Variants in SLC6A4 observed in about 807,000 individuals in gnomAD.
SLC6A4 encodes solute carrier family 6 member 4, also known as sodium-dependent serotonin transporter.
A neutral mutation model predicts 73.4 loss-of-function variants in SLC6A4; 22 were observed. That is an observed-to-expected ratio of 0.30 (90% confidence interval 0.21 to 0.43). The LOEUF (loss-of-function observed/expected upper bound fraction) is 0.43. Among genes scored for constraint, SLC6A4 ranks in the 20% least tolerant of loss-of-function variants. The pLI, the probability that SLC6A4 is intolerant of heterozygous loss-of-function variation, is 1.00. For missense variants in SLC6A4, 593 were observed against 808.5 expected (o/e 0.73, Z 3.23); for synonymous variants, 270 against 315.5 (o/e 0.86, Z 1.53).
rs1262522122 is a variant in SLC6A4 at position 30,226,900 on chromosome 17, G to GA, written c.-220-3986dup. On this transcript the variant is annotated intron_variant, in intron 1 of 14. Coordinates refer to ENST00000650711, the MANE Select transcript of SLC6A4 (RefSeq NM_001045.6). ...AAAAAAAAGAAAAAGAAAGAAAAAAGAAACAAGGCAGGCACAGTCCTGCCT... is the reference window on the plus strand; with the variant it reads ...AAAAAAAAGAAAAAGAAAGAAAAAAGAAAACAAGGCAGGCACAGTCCTGCCT... Among the ~76,000 whole-genome samples, 465 of 143,240 alleles carry GA rather than the reference G, an allele frequency of 3.2e-3. 3 individuals carry two copies. Among genetic ancestry groups the GA allele is most frequent in the African/African-American group, 0.012 (440 of 36,794 alleles). The allele number at this position is 143,240 out of a possible 152,430, so 94.0% of individuals were successfully genotyped here.
At chr17:30,226,715 A>G (rs1906935164) in intron 1 of SLC6A4, among the ~76,000 whole-genome samples, 1 of 151,608 alleles carries the variant, frequency 6.6e-6, no homozygotes, top group African/African-American at 2.4e-5. Flanking sequence ...AAATAAATAA[A>G]AATAAAAATA....
intron 12 of SLC6A4, among the ~76,000 whole-genome samples, chr17:30,208,753 G>A (rs1030147399): frequency 1.2e-4 from 19 of 152,222 alleles, no homozygotes; most frequent in South Asian, 4.1e-4. Context: ...GTGCAGTGGC[G>A]CGATCTTGGC....
At chr17:30,203,438 AC>A in intron 13 of SLC6A4, 99 bp from the exon 14 acceptor site, 1 of 1,029,074 alleles carries the variant, frequency 9.7e-7, no homozygotes, top group Non-Finnish European at 1.4e-6. Context: ...AAGCTAAGAT[AC>A]TTTCAGGAAA....
At chr17:30,229,232 G>T (rs942895523) in intron 1 of SLC6A4, among the ~76,000 whole-genome samples, 3 of 152,314 alleles carry the variant, frequency 2.0e-5, no homozygotes, top group Middle Eastern at 6.8e-3. Context: ...ACAAGTACTG[G>T]CAGGCACACC....
intron 1 of SLC6A4, among the ~76,000 whole-genome samples, chr17:30,224,169 C>G (rs929287664): frequency 1.3e-5 from 2 of 151,638 alleles, no homozygotes; most frequent in African/African-American, 2.4e-5. Flanking sequence ...TGGAGGGCAC[C>G]GAGTTGACAG....
intron 1 of SLC6A4, among the ~76,000 whole-genome samples, chr17:30,232,812 A>T (rs1907152727): frequency 6.6e-6 from 1 of 152,238 alleles, no homozygotes; most frequent in Non-Finnish European, 1.5e-5. Flanking sequence ...AGCAAACAAA[A>T]GTCAGGCTGA....
In SLC6A4 at chr17:30,221,570, A is replaced by C. The variant is rs529910751; in HGVS notation, c.343+46T>G. ...CGGGTCACAGCCCACTCCGGGTCAC[A>C]GCCCACCCTGGGTCACAGCCTCTAC... On this transcript the variant is annotated intron_variant, in intron 3 of 14. Coordinates refer to ENST00000650711, the MANE Select transcript of SLC6A4 (RefSeq NM_001045.6). 1.2e-5 allele frequency: 18 copies of C among 1,552,482 alleles called. No individual in the cohort carries two copies. In the South Asian group the frequency reaches 2.0e-4, roughly 17 times the overall value.
At chr17:30,218,668 A>G in intron 4 of SLC6A4, 129 bp downstream of exon 4, 1 of 916,544 alleles carries the variant, frequency 1.1e-6, no homozygotes, top group Non-Finnish European at 1.7e-6. Flanking sequence ...AACCTTAATT[A>G]CTCAAGCAGT....
Position 30,197,663 on chromosome 17 carries a change from G to C in SLC6A4, c.*793C>G, listed in dbSNP as rs1239554502. 6.6e-6 allele frequency: 1 copy of C among 152,508 alleles called. No individual in the cohort carries two copies. 9.4% of individuals were successfully genotyped at this position (152,508 alleles called of 1,614,324 possible). On this transcript the variant is annotated 3_prime_UTR_variant, in exon 15 of 15. Coordinates refer to ENST00000650711, the MANE Select transcript of SLC6A4 (RefSeq NM_001045.6). ...TGCAGCAAACGCCAGAGGCTGGCCTGTAAAGGAAAGTGTGTGGCTCAAGTA... is the reference window on the plus strand; with the variant it reads ...TGCAGCAAACGCCAGAGGCTGGCCTCTAAAGGAAAGTGTGTGGCTCAAGTA...
intron 13 of SLC6A4, among the ~76,000 whole-genome samples, chr17:30,207,099 C>A (rs1179565680): frequency 1.3e-5 from 2 of 152,088 alleles, no homozygotes; most frequent in South Asian, 2.1e-4. Context: ...GTAAGTTGAG[C>A]CTGAAGTCTG....
chr17:30,223,564 G>A (rs776231697), intron 1 of SLC6A4, among the ~76,000 whole-genome samples: 3 of 152,194 alleles, frequency 2.0e-5, no homozygotes, highest in South Asian at 2.1e-4. Flanking sequence ...AGGGTTTGGC[G>A]TTTGCTGCAT....
chr17:30,229,430 G>A (rs747141578), intron 1 of SLC6A4, among the ~76,000 whole-genome samples: 1 of 152,140 alleles, frequency 6.6e-6, no homozygotes, highest in Non-Finnish European at 1.5e-5. Context: ...AGACTGATTC[G>A]AAGTTCTTTC....
chr17:30,214,634 CTTTTTTTT>C (rs753290326), intron 8 of SLC6A4, among the ~76,000 whole-genome samples: 2 of 132,338 alleles, frequency 1.5e-5, no homozygotes, highest in Non-Finnish European at 1.6e-5. Context: ...TTCTTTCTTT[CTTTTTTTT>C]TTTTTTTTTT....
At position 30,217,234 on chromosome 17, in the gene SLC6A4, G is replaced by T. The variant is rs987757017; in HGVS notation, c.769C>A (p.Leu257Ile). 6.2e-7 allele frequency: 1 copy of T among 1,614,006 alleles called. No individual in the cohort carries two copies. Among genetic ancestry groups the T allele is most frequent in the Admixed American group, 1.7e-5 (1 of 60,018 alleles). ...DLGGISWQLA[L>I]CIMLIFTVIY... is the part of the protein sequence containing the mutation. Reference sequence around the variant, plus strand: ...ACAGTGAAGATCAGCATGATGCAGAGGGCCAGCTGCCAGCTGATGCCCCCC... The same window carrying T: ...ACAGTGAAGATCAGCATGATGCAGATGGCCAGCTGCCAGCTGATGCCCCCC... The change falls in exon 6 of 15, where the codon CTC becomes ATC. Residue 257 changes from leucine to isoleucine, a missense_variant. Transcript: ENST00000650711.
intron 3 of SLC6A4, among the ~76,000 whole-genome samples, chr17:30,219,706 T>C (rs1473127214): frequency 2.6e-5 from 4 of 152,200 alleles, no homozygotes; most frequent in Non-Finnish European, 5.9e-5. Context: ...TCCTGGATCT[T>C]GTGGCTGAGG....
At position 30,207,796 on chromosome 17, in the gene SLC6A4, A is replaced by G. The variant is rs747712449; in HGVS notation, c.1586T>C (p.Leu529Pro). ...CCAGAACCACCCCGGGCTGAAGCCG[A>G]GCATTTCCTTCACGTCCCTGCAGAA... is the stretch of plus-strand genomic sequence containing the variant. ...TQFCRDVKEM[L>P]GFSPGWFWRI... is the part of the protein sequence containing the mutation. Residue 529 changes from leucine to proline, a missense_variant, in exon 13 of 15, where the codon CTC becomes CCC. By Grantham distance (98) the Leu-to-Pro change is moderately conservative. Transcript: ENST00000650711. The G allele has an allele frequency of 6.2e-7, 1 of 1,614,080 alleles. No individual in the cohort carries two copies. The highest frequency in any genetic ancestry group is 8.5e-7 in the Non-Finnish European group (1 of 1,179,988).
intron 1 of SLC6A4, among the ~76,000 whole-genome samples, chr17:30,233,395 T>G (rs1420285627): frequency 6.6e-6 from 1 of 152,128 alleles, no homozygotes; most frequent in Non-Finnish European, 1.5e-5. Context: ...GTGGTTAAGG[T>G]GCAGGGGTTA....
In SLC6A4 at chr17:30,209,162, G is replaced by A. The variant is rs200997242; in HGVS notation, c.1530C>T (p.Val510=). Residue 510 remains valine, a synonymous_variant, in exon 12 of 15, where the codon GTC becomes GTT. Coordinates refer to ENST00000650711, the MANE Select transcript of SLC6A4 (RefSeq NM_001045.6). ...AVLTVALIEA[V]AVSWFYGITQ... ...TCTTACCATAGAACCAAGACACAGC[G>A]ACTGCTTCGATCAGCGCGACAGTGA... is the stretch of plus-strand genomic sequence containing the variant. 1.7e-5 allele frequency: 27 copies of A among 1,612,972 alleles called. No homozygotes were observed. The highest frequency in any genetic ancestry group is 4.0e-5 in the African/African-American group (3 of 74,868).
intron 11 of SLC6A4, among the ~76,000 whole-genome samples, chr17:30,209,569 C>G (rs9895500): frequency 0.061 from 9,174 of 150,338 alleles, 463 homozygotes; most frequent in African/African-American, 0.14. Context: ...ATTGCTTGAA[C>G]GAGAGGCAGA....
Sources: allele counts gnomAD v4.1 joint callset (sites outside exome capture counted in the v4.1 genomes callset), GRCh38; gene constraint gnomAD v4.1.1; transcripts MANE v1.5; gene names NCBI Gene and HGNC (gene_info 2026-07-23, HGNC 2026-07-21).